The following ARL13B variants were observed in gnomAD, a reference collection of about 807,000 sequenced individuals.
The protein encoded by ARL13B is ADP-ribosylation factor-like protein 13B.
A neutral mutation model predicts 56.1 loss-of-function variants in ARL13B; 36 were observed. The ratio of observed to expected loss-of-function variants is 0.64; its 90% CI spans 0.49 to 0.85. ARL13B has a LOEUF of 0.85. Among genes scored for constraint, ARL13B ranks in the 40% least tolerant of loss-of-function variants. The pLI, the probability that ARL13B is intolerant of heterozygous loss-of-function variation, is 0.00. For missense variants in ARL13B, 519 were observed against 507.1 expected, an observed-to-expected ratio of 1.02 and a Z score of -0.23; for synonymous variants, 178 against 171.1, an observed-to-expected ratio of 1.04 and a Z score of -0.32.
intron 6 of ARL13B, among the ~76,000 whole-genome samples, chr3:94,042,220 GA>G (rs774734229): frequency 6.6e-6 from 1 of 152,002 alleles, no homozygotes; most frequent in Non-Finnish European, 1.5e-5. Flanking sequence ...ATATGATGTA[GA>G]AAAAAATCAC....
At chr3:93,987,603 A>G (rs1387953755) in intron 1 of ARL13B, among the ~76,000 whole-genome samples, 1 of 152,134 alleles carries the variant, frequency 6.6e-6, no homozygotes, top group Non-Finnish European at 1.5e-5. Flanking sequence ...AGACATTTCA[A>G]ATTGTACACA....
intron 1 of ARL13B, among the ~76,000 whole-genome samples, chr3:93,989,109 A>G (rs1310454452): frequency 1.3e-5 from 2 of 152,208 alleles, no homozygotes; most frequent in Non-Finnish European, 2.9e-5. Context: ...CCTTGAAACC[A>G]TGAGCATGTA....
intron 6 of ARL13B, among the ~76,000 whole-genome samples, chr3:94,042,215 A>T (rs987968647): frequency 1.3e-5 from 2 of 152,216 alleles, no homozygotes; most frequent in African/African-American, 2.4e-5. Flanking sequence ...ATTGAATATG[A>T]TGTAGAAAAA....
chr3:94,032,739 G>A (rs9876838), intron 3 of ARL13B, among the ~76,000 whole-genome samples: 3,534 of 152,074 alleles, frequency 0.023, 149 homozygotes, highest in African/African-American at 0.081. Flanking sequence ...CTTGTGATCC[G>A]CCCGCCTCGG....
chr3:93,997,881 G>T (rs1407900473), intron 2 of ARL13B, among the ~76,000 whole-genome samples: 1 of 152,128 alleles, frequency 6.6e-6, no homozygotes, highest in Admixed American at 6.6e-5. Flanking sequence ...TAGCTACTCA[G>T]GAGGCTGAGG....
Position 94,043,230 on chromosome 3 carries a change from A to C in ARL13B, c.1014A>C (p.Ser338=). ...ATGAAGATGAGACAGACCGGCCATCATTGGAATCAGGTAATAAATCTAGTT... is the reference window on the plus strand; with the variant it reads ...ATGAAGATGAGACAGACCGGCCATCCTTGGAATCAGGTAATAAATCTAGTT... ...LKNEDETDRP[S]LESANGKKKT... The change falls in exon 7 of 10, where the codon TCA becomes TCC. Residue 338 remains serine (S), a synonymous_variant. Coordinates refer to ENST00000394222, the MANE Select transcript of ARL13B (RefSeq NM_001174150.2). 6.2e-7 allele frequency: 1 copy of C among 1,612,808 alleles called. No individual in the cohort carries two copies. Among genetic ancestry groups the C allele is most frequent in the Non-Finnish European group, 8.5e-7 (1 of 1,179,372 alleles).
intron 3 of ARL13B, among the ~76,000 whole-genome samples, chr3:94,018,310 G>T (rs1240840742): frequency 6.6e-6 from 1 of 151,826 alleles, no homozygotes; most frequent in East Asian, 1.9e-4. Flanking sequence ...GGAGTAAATG[G>T]GAACCATCAG....
intron 2 of ARL13B, among the ~76,000 whole-genome samples, chr3:93,999,136 T>A (rs915014210): frequency 1.3e-5 from 2 of 151,888 alleles, no homozygotes; most frequent in Non-Finnish European, 2.9e-5. Context: ...GAGGTGAGTC[T>A]CACTATGTTG....
intron 5 of ARL13B, 114 bp downstream of exon 5, chr3:94,036,868 C>A: frequency 8.3e-7 from 1 of 1,203,994 alleles, no homozygotes; most frequent in Non-Finnish European, 1.2e-6. Flanking sequence ...TGAAGGAAGA[C>A]ACTAGGTAAA....
intron 3 of ARL13B, among the ~76,000 whole-genome samples, chr3:94,026,911 T>C (rs1369947034): frequency 6.6e-6 from 1 of 152,128 alleles, no homozygotes; most frequent in Non-Finnish European, 1.5e-5. Flanking sequence ...CTTGGACAAC[T>C]TGTTCTGGGA....
At chr3:94,041,115 T>C (rs1269448809) in intron 6 of ARL13B, among the ~76,000 whole-genome samples, 2 of 152,112 alleles carry the variant, frequency 1.3e-5, no homozygotes, top group African/African-American at 4.8e-5. Context: ...TTTCTCTTTT[T>C]TTCCCCACAA....
intron 3 of ARL13B, among the ~76,000 whole-genome samples, chr3:94,005,799 A>G (rs1289906885): frequency 6.6e-6 from 1 of 152,224 alleles, no homozygotes; most frequent in Non-Finnish European, 1.5e-5. Context: ...AATGTACACA[A>G]AAGTACACAT....
At position 94,054,862 on chromosome 3, in the gene ARL13B, C is replaced by A; in HGVS notation, c.*1599C>A. On this transcript the variant is annotated 3_prime_UTR_variant, in exon 10 of 10. Transcript: ENST00000394222. The stretch of plus-strand genomic sequence containing the variant: ...GGCTGAAATGTGATGAAAAGCAATA[C>A]GAAAAGACAATGTAAACTTTGAAAA... 5 of 331,982 alleles carry A rather than the reference C, an allele frequency of 1.5e-5. No individual in the cohort carries two copies. Among genetic ancestry groups the A allele is most frequent in the South Asian group, 4.8e-5 (2 of 41,526 alleles). 20.6% of individuals were successfully genotyped at this position (331,982 alleles called of 1,614,324 possible). A position where few individuals can be genotyped will look rare whatever the true frequency, so the allele number is the denominator to read the frequency against.
At chr3:93,996,941 C>G (rs180773632) in intron 2 of ARL13B, among the ~76,000 whole-genome samples, 2 of 152,112 alleles carry the variant, frequency 1.3e-5, no homozygotes, top group Admixed American at 1.3e-4. Flanking sequence ...AACATTGCCC[C>G]CTGTCAGATC....
At chr3:93,996,441 A>G (rs2075966578) in intron 2 of ARL13B, 1 of 186,646 alleles carries the variant, frequency 5.4e-6, no homozygotes, top group East Asian at 1.3e-4. Context: ...TACGTACTGC[A>G]TCTCATTGAA....
intron 3 of ARL13B, among the ~76,000 whole-genome samples, chr3:94,032,555 G>A (rs1576020309): frequency 1.3e-5 from 2 of 152,028 alleles, no homozygotes; most frequent in East Asian, 3.9e-4. Context: ...GAAGTGTAGT[G>A]GCGCGATCTC....
chr3:93,999,462 C>G (rs2076019088), intron 2 of ARL13B, among the ~76,000 whole-genome samples: 1 of 151,872 alleles, frequency 6.6e-6, no homozygotes, highest in Admixed American at 6.6e-5. Flanking sequence ...TTTGTGAGTA[C>G]ATAGTAGGTG....
intron 8 of ARL13B, among the ~76,000 whole-genome samples, 187 bp downstream of exon 8, chr3:94,049,709 T>C (rs2077040171): frequency 6.6e-6 from 1 of 151,882 alleles, no homozygotes; most frequent in Non-Finnish European, 1.5e-5. Flanking sequence ...CTTTTTTGAA[T>C]AAAAAAATGT....
intron 3 of ARL13B, among the ~76,000 whole-genome samples, chr3:94,009,304 T>C (rs1481298929): frequency 6.6e-6 from 1 of 152,072 alleles, no homozygotes; most frequent in East Asian, 1.9e-4. Flanking sequence ...AGACATTAAT[T>C]ATTACTTTTT....
Sources: allele counts gnomAD v4.1 joint callset (sites outside exome capture counted in the v4.1 genomes callset), GRCh38; gene constraint gnomAD v4.1.1; transcripts MANE v1.5; gene names NCBI Gene and HGNC (gene_info 2026-07-23, HGNC 2026-07-21).